COL6A5: variants seen among roughly 807,000 people sequenced by gnomAD.
The protein encoded by COL6A5 is collagen alpha-5(VI) chain.
In COL6A5, 48 loss-of-function variants were observed where a neutral mutation model predicts 65.6. The ratio of observed to expected loss-of-function variants is 0.73; its 90% CI spans 0.58 to 0.93. The LOEUF (loss-of-function observed/expected upper bound fraction) is 0.93, where lower values mean the gene tolerates loss of function less well. Ranked by LOEUF, COL6A5 falls within the 40% of genes least tolerant of loss-of-function variation. The pLI is 0.00. For missense variants in COL6A5, 914 were observed against 928.3 expected, an observed-to-expected ratio of 0.98 and a Z score of 0.20; for synonymous variants, 291 against 322.8, an observed-to-expected ratio of 0.90 and a Z score of 1.05.
chr3:130,424,745 TA>T (rs1937573372), intron 29 of COL6A5, among the ~76,000 whole-genome samples: 1 of 152,148 alleles, frequency 6.6e-6, no homozygotes, highest in Non-Finnish European at 1.5e-5. Context: ...ATACAATATT[TA>T]CTTTTTTGGC....
chr3:130,401,070 C>CTCATCATGAG, exon 11 of COL6A5: 1 of 1,551,100 alleles, frequency 6.4e-7, no homozygotes, highest in Non-Finnish European at 8.7e-7. Flanking sequence ...AACACAACTG[C>CTCATCATGAG]TCATCATGAG....
At chr3:130,395,562 A>G (rs963730918) in intron 8 of COL6A5, 97 bp downstream of exon 8, 1 of 899,334 alleles carries the variant, frequency 1.1e-6, no homozygotes, top group Non-Finnish European at 1.7e-6. Flanking sequence ...GCATATATTT[A>G]GAACATATAT....
intron 6 of COL6A5, 114 bp downstream of exon 38, chr3:130,469,595 A>T: frequency 1.2e-6 from 1 of 859,348 alleles, no homozygotes; most frequent in Non-Finnish European, 1.8e-6. Context: ...GGTAGAGTAT[A>T]AGTGAGTAGG....
intron 19 of COL6A5, 65 bp downstream of exon 19, chr3:130,410,139 G>T: frequency 1.7e-6 from 2 of 1,181,146 alleles, no homozygotes; most frequent in South Asian, 2.7e-5. Context: ...AATTTAGTAA[G>T]ATATGTAACC....
At chr3:130,448,525 C>G (rs187703807) in intron 4 of COL6A5, among the ~76,000 whole-genome samples, 11 of 152,226 alleles carry the variant, frequency 7.2e-5, no homozygotes, top group African/African-American at 2.4e-4. Context: ...CATTGTTTAT[C>G]GACCACCATT....
exon 3 of COL6A5, chr3:130,440,193 G>T (rs745951644): frequency 4.3e-6 from 7 of 1,611,910 alleles, no homozygotes. Context: ...GCTTGCATTC[G>T]AGAGGCTTTC....
chr3:130,449,951 G>A (rs1403673234), intron 4 of COL6A5, among the ~76,000 whole-genome samples: 1 of 152,122 alleles, frequency 6.6e-6, no homozygotes, highest in African/African-American at 2.4e-5. Context: ...TAAAGGGCCA[G>A]TGACCCCCGT....
At chr3:130,459,367 A>G (rs1357630663) in intron 5 of COL6A5, among the ~76,000 whole-genome samples, 1 of 152,134 alleles carries the variant, frequency 6.6e-6, no homozygotes, top group Non-Finnish European at 1.5e-5. Flanking sequence ...TTTGCTTTGA[A>G]TTAATCGTAA....
In COL6A5 at chr3:130,403,513, G is replaced by A. The variant is rs554557660; in HGVS notation, c.4228-96G>A. Reference sequence around the variant, plus strand: ...CATCTGCAGAAACTGCAACCAAGTTGGAGGAAGGGACTTGCTTAGAATGCC... The same window carrying A: ...CATCTGCAGAAACTGCAACCAAGTTAGAGGAAGGGACTTGCTTAGAATGCC... On this transcript the variant is annotated intron_variant and NMD_transcript_variant, in intron 12 of 41. Transcript: ENST00000312481. 9.7e-6 allele frequency: 10 copies of A among 1,030,546 alleles called. No individual in the cohort carries two copies. The East Asian group carries it at 2.6e-4, about 27-fold the overall frequency. The allele number at this position is 1,030,546 out of a possible 1,614,324, so 63.8% of individuals were successfully genotyped here.
chr3:130,376,308 C>G (rs766563742), exon 3 of COL6A5: 1 of 1,613,544 alleles, frequency 6.2e-7, no homozygotes, highest in Non-Finnish European at 8.5e-7. Context: ...TAAGTCATTC[C>G]CATTCGTGAA....
intron 4 of COL6A5, among the ~76,000 whole-genome samples, chr3:130,455,158 A>AAC (rs1218971968): frequency 6.6e-6 from 1 of 151,896 alleles, no homozygotes; most frequent in East Asian, 1.9e-4. Context: ...CTCAAAAAAA[A>AAC]AAAAACAAAC....
At chr3:130,369,664 C>A (rs558012790) in intron 1 of COL6A5, among the ~76,000 whole-genome samples, 7 of 152,288 alleles carry the variant, frequency 4.6e-5, no homozygotes, top group African/African-American at 1.7e-4. Context: ...CAAAGGAATG[C>A]AATCAAAAGA....
chr3:130,422,191 A>G (rs1937530338), intron 27 of COL6A5, among the ~76,000 whole-genome samples: 1 of 152,070 alleles, frequency 6.6e-6, no homozygotes, highest in Admixed American at 6.6e-5. Flanking sequence ...GACAATATAA[A>G]TCACCATTAG....
intron 4 of COL6A5, among the ~76,000 whole-genome samples, chr3:130,383,860 TA>T (rs1047820217): frequency 2.0e-5 from 3 of 151,786 alleles, no homozygotes; most frequent in Non-Finnish European, 2.9e-5. Context: ...AGTCTTTTAT[TA>T]AAAAAAACAA....
At chr3:130,348,649 C>T (rs375713177) in intron 1 of COL6A5, among the ~76,000 whole-genome samples, 4 of 152,128 alleles carry the variant, frequency 2.6e-5, no homozygotes, top group South Asian at 4.1e-4. Context: ...GTAATGAGAT[C>T]GCTGAGTCAA....
intron 2 of COL6A5, among the ~76,000 whole-genome samples, chr3:130,374,141 T>C (rs1935673977): frequency 6.6e-6 from 1 of 152,138 alleles, no homozygotes; most frequent in Non-Finnish European, 1.5e-5. Flanking sequence ...CACACAGTCA[T>C]ACGTCACTTA....
exon 4 of COL6A5, chr3:130,379,588 A>G: frequency 6.4e-7 from 1 of 1,551,512 alleles, no homozygotes; most frequent in Non-Finnish European, 8.7e-7. Context: ...GATGAGTTAC[A>G]GCAATAGTGC....
At chr3:130,469,576 G>T (rs991021764) in intron 6 of COL6A5, 95 bp downstream of exon 38, 2 of 998,922 alleles carry the variant, frequency 2.0e-6, no homozygotes, top group Middle Eastern at 2.2e-4. Flanking sequence ...CCTCACTTCA[G>T]TTAAGAGTGG....
chr3:130,481,616 G>A (rs1345557547), intron 7 of COL6A5, among the ~76,000 whole-genome samples: 5 of 152,060 alleles, frequency 3.3e-5, no homozygotes, highest in Admixed American at 6.5e-5. Flanking sequence ...TTGAGGAATC[G>A]CCGCACTGTC....
Sources: gnomAD v4.1 joint callset for allele counts (sites outside exome capture counted in the v4.1 genomes callset) on GRCh38, gnomAD v4.1.1 for gene constraint, MANE v1.5 for transcripts, NCBI Gene and HGNC (gene_info 2026-07-23, HGNC 2026-07-21) for gene names.